Variants in CDK5RAP2 observed in about 807,000 individuals in gnomAD.
The protein encoded by CDK5RAP2 is CDK5 regulatory subunit associated protein 2.
CDK5RAP2 carries 147 observed loss-of-function variants against 232.9 expected under a neutral mutation model. The observed-to-expected ratio is 0.63, with a 90% CI of 0.55 to 0.72. The LOEUF is 0.72. Among genes scored for constraint, CDK5RAP2 ranks in the 30% least tolerant of loss-of-function variants. CDK5RAP2 has a pLI of 0.00. For missense variants in CDK5RAP2, 2,195 were observed against 2,231.5 expected (o/e 0.98, Z 0.33); for synonymous variants, 833 against 833.7 (o/e 1.00, Z 0.01).
chr9:120,403,726 G>A lies in CDK5RAP2; in HGVS notation c.5041+310C>T, dbSNP rs926605733. On this transcript the variant is annotated intron_variant, in intron 33 of 37. Coordinates refer to ENST00000349780, the MANE Select transcript of CDK5RAP2 (RefSeq NM_018249.6). The surrounding 1 kb of genome is among the most constrained non-coding windows in gnomAD (Gnocchi z 4.2). ...GGTGACCCCTGTGTGGCTACACCAGGTTAAGGGATAAGGCTGGACGGACCC... is the reference window on the plus strand; with the variant it reads ...GGTGACCCCTGTGTGGCTACACCAGATTAAGGGATAAGGCTGGACGGACCC... 1 of 440,368 alleles carries A rather than the reference G, an allele frequency of 2.3e-6. No individual in the cohort carries two copies. The highest frequency in any genetic ancestry group is 4.2e-6 in the Non-Finnish European group (1 of 237,018). The allele number at this position is 440,368 out of a possible 1,614,324, so 27.3% of individuals were successfully genotyped here.
chr9:120,415,903 G>A (rs2034183140), intron 27 of CDK5RAP2, among the ~76,000 whole-genome samples: 1 of 152,100 alleles, frequency 6.6e-6, no homozygotes, highest in Admixed American at 6.5e-5. Context: ...AACTCCAAAT[G>A]TAACTGTAGT....
chr9:120,567,126 A>T (rs2042675533), intron 3 of CDK5RAP2, among the ~76,000 whole-genome samples: 1 of 152,230 alleles, frequency 6.6e-6, no homozygotes, highest in South Asian at 2.1e-4. Flanking sequence ...ATTTAATAGT[A>T]GAGCATATTT....
At chr9:120,446,591 T>C (rs1009778198) in intron 22 of CDK5RAP2, among the ~76,000 whole-genome samples, 1 of 152,090 alleles carries the variant, frequency 6.6e-6, no homozygotes, top group Non-Finnish European at 1.5e-5. Flanking sequence ...TCCAAAAGTT[T>C]CCAATCTTAC....
intron 7 of CDK5RAP2, among the ~76,000 whole-genome samples, chr9:120,532,898 A>T (rs536747711): frequency 2.6e-4 from 39 of 152,180 alleles, no homozygotes; most frequent in Non-Finnish European, 4.6e-4. Context: ...ATACACGTTA[A>T]CCCTTCCCAA....
In CDK5RAP2 at chr9:120,497,797, TAA is replaced by T. The variant is rs1237080235; in HGVS notation, c.1312-6322_1312-6321del. Among the ~76,000 whole-genome samples the T allele has an allele frequency of 2.6e-5, 4 of 152,166 alleles. No individual in the cohort carries two copies. In the East Asian group the frequency reaches 5.8e-4, roughly 22 times the overall value. The stretch of plus-strand genomic sequence containing the variant: ...GCAGGGCTTGATATCTGACATAATG[TAA>T]AAGAGTCTTGGAACATGTCCGGGGT... On this transcript the variant is annotated intron_variant, in intron 12 of 37. Transcript: ENST00000349780.
chr9:120,562,555 A>C (rs2042501607), intron 3 of CDK5RAP2, among the ~76,000 whole-genome samples: 1 of 152,102 alleles, frequency 6.6e-6, no homozygotes, highest in African/African-American at 2.4e-5. Flanking sequence ...CCTGGTCTTC[A>C]GCCACTTCCA....
chr9:120,479,479 G>A (rs1226090217), intron 14 of CDK5RAP2, among the ~76,000 whole-genome samples: 1 of 152,162 alleles, frequency 6.6e-6, no homozygotes, highest in African/African-American at 2.4e-5. Flanking sequence ...ACACTATCTT[G>A]ATAAAGTTAT....
chr9:120,452,240 C>A (rs1169945642), intron 21 of CDK5RAP2, among the ~76,000 whole-genome samples: 1 of 131,630 alleles, frequency 7.6e-6, no homozygotes, highest in Admixed American at 8.2e-5. Flanking sequence ...TAATGGCAGT[C>A]TCTCTCTCTC....
At chr9:120,481,508 T>C (rs2038307176) in intron 14 of CDK5RAP2, among the ~76,000 whole-genome samples, 1 of 148,886 alleles carries the variant, frequency 6.7e-6, no homozygotes, top group South Asian at 2.1e-4. Flanking sequence ...TTTTCTTTTT[T>C]TTTTTTTTCT....
At position 120,529,991 on chromosome 9, in the gene CDK5RAP2, T is replaced by C. The variant is rs866981137; in HGVS notation, c.812A>G (p.Glu271Gly). Residue 271 changes from glutamate to glycine, a missense_variant, in exon 8 of 38, where the codon GAG (glutamate) becomes GGG (glycine). Physicochemically the swap from Glu to Gly is moderately conservative, Grantham distance 98. Transcript: ENST00000349780. ...CTGTCACCTCACCTCAGTTTCTCTC[T>C]CCTTTTCTTCCCTTGGAGCAGCACA... The part of the protein sequence containing the change: ...GLCAAPREEK[E>G]RETEAAQMEH... 2.5e-6 allele frequency: 4 copies of C among 1,613,898 alleles called. No individual in the cohort carries two copies. The highest frequency in any genetic ancestry group is 3.3e-4 in the Middle Eastern group (2 of 6,056).
chr9:120,563,394 G>C (rs2042530811), intron 3 of CDK5RAP2, among the ~76,000 whole-genome samples: 1 of 152,182 alleles, frequency 6.6e-6, no homozygotes, highest in Non-Finnish European at 1.5e-5. Flanking sequence ...TTTATTCCAA[G>C]GTCAAAGAAA....
chr9:120,473,408 A>T (rs1282131475), intron 15 of CDK5RAP2, among the ~76,000 whole-genome samples: 5 of 152,198 alleles, frequency 3.3e-5, no homozygotes, highest in Non-Finnish European at 5.9e-5. Context: ...TTCAAAAGGG[A>T]TCAATAGCCC....
chr9:120,528,897 C>T (rs2041024852), intron 8 of CDK5RAP2, 100 bp from the exon 9 acceptor site: 2 of 822,494 alleles, frequency 2.4e-6, no homozygotes, highest in East Asian at 2.5e-5. Flanking sequence ...ACTCACCTTC[C>T]CCCACTACTG....
At position 120,407,198 on chromosome 9, in the gene CDK5RAP2, T is replaced by C. The variant is rs1057521033; in HGVS notation, c.4777A>G (p.Ser1593Gly). 1.2e-6 allele frequency: 2 copies of C among 1,613,826 alleles called. No homozygotes were observed. The highest frequency in any genetic ancestry group is 1.7e-6 in the Non-Finnish European group (2 of 1,180,032). The change falls in exon 32 of 38, where the codon AGC (serine) becomes GGC (glycine). Residue 1593 changes from serine to glycine, a missense_variant. Physicochemically the swap from Ser to Gly is moderately conservative, Grantham distance 56. Transcript: ENST00000349780. ...KGQDPFRDLH[S>G]LLMEIQALRL... ...AGAGCCTGGATCTCCATCAGGAGGC[T>C]GTGCAGGTCCCTGAAAGGATCCTGC...
At chr9:120,449,444 G>C (rs1014398119) in intron 21 of CDK5RAP2, among the ~76,000 whole-genome samples, 5 of 152,144 alleles carry the variant, frequency 3.3e-5, no homozygotes, top group Non-Finnish European at 5.9e-5. Flanking sequence ...CAACCTGTAA[G>C]CTCCAGGGTT....
intron 12 of CDK5RAP2, among the ~76,000 whole-genome samples, chr9:120,511,942 C>T (rs1055763717): frequency 1.3e-5 from 2 of 151,946 alleles, no homozygotes; most frequent in African/African-American, 4.8e-5. Flanking sequence ...TTCACCATGT[C>T]GACCAGGCTG....
chr9:120,542,430 G>A (rs1402161403), intron 5 of CDK5RAP2, among the ~76,000 whole-genome samples: 2 of 151,616 alleles, frequency 1.3e-5, no homozygotes, highest in Non-Finnish European at 1.5e-5. Context: ...ACTTGAACCC[G>A]GGTTGTACTG....
intron 2 of CDK5RAP2, among the ~76,000 whole-genome samples, chr9:120,570,065 C>A (rs1395511664): frequency 6.6e-6 from 1 of 151,990 alleles, no homozygotes; most frequent in Non-Finnish European, 1.5e-5. Context: ...AAAGAGGGAG[C>A]AAGGAGGCAC....
chr9:120,525,122 C>T, intron 10 of CDK5RAP2, 44 bp from the exon 11 acceptor site: 1 of 1,390,330 alleles, frequency 7.2e-7, no homozygotes, highest in South Asian at 1.2e-5. Flanking sequence ...TAACTGGGCT[C>T]TCCTCTCTGC....
Sources: gnomAD v4.1 joint callset for allele counts (sites outside exome capture counted in the v4.1 genomes callset) on GRCh38, gnomAD v4.1.1 for gene constraint, Gnocchi (gnomAD v3.1) non-coding constraint, MANE v1.5 for transcripts, NCBI Gene and HGNC (gene_info 2026-07-23, HGNC 2026-07-21) for gene names.